The following PCDH7 variants were observed in gnomAD, a reference collection of about 807,000 sequenced individuals.
The protein encoded by PCDH7 is protocadherin 7.
In PCDH7, 17 loss-of-function variants were observed where a neutral mutation model predicts 58.9. The observed-to-expected ratio is 0.29, with a 90% CI of 0.20 to 0.43. The LOEUF is 0.43. Ranked by LOEUF, PCDH7 falls within the 20% of genes least tolerant of loss-of-function variation. The probability of loss-of-function intolerance (pLI) is 1.00; values close to 1 mark genes in which losing one functional copy is unlikely to be tolerated. For missense variants in PCDH7, 1,274 were observed against 1,441.0 expected (o/e 0.88, Z 1.88); for synonymous variants, 664 against 616.4 (o/e 1.08, Z -1.14).
At chr4:30,772,860 C>A (rs761656060) in intron 1 of PCDH7, among the ~76,000 whole-genome samples, 2 of 152,122 alleles carry the variant, frequency 1.3e-5, no homozygotes, top group African/African-American at 2.4e-5. Flanking sequence ...CTAACAATTC[C>A]TTTATCAAAT....
chr4:31,127,526 A>G (rs1718447673), intron 3 of PCDH7, among the ~76,000 whole-genome samples: 1 of 152,282 alleles, frequency 6.6e-6, no homozygotes, highest in South Asian at 2.1e-4. Flanking sequence ...TTGTTGATTG[A>G]AATAAATGAA....
At chr4:31,030,847 AG>A (rs529464777) in intron 3 of PCDH7, among the ~76,000 whole-genome samples, 1 of 152,312 alleles carries the variant, frequency 6.6e-6, no homozygotes, top group East Asian at 1.9e-4. Flanking sequence ...ACAGTTGTAT[AG>A]GGGCAAAGAA....
At chr4:30,823,319 G>A (rs1172344368) in intron 1 of PCDH7, among the ~76,000 whole-genome samples, 2 of 152,080 alleles carry the variant, frequency 1.3e-5, no homozygotes, top group Non-Finnish European at 2.9e-5. Flanking sequence ...GACATGTAGC[G>A]GTAATGGTTC....
chr4:30,880,343 C>T (rs6858549), intron 1 of PCDH7, among the ~76,000 whole-genome samples: 61,500 of 151,390 alleles, frequency 0.41, 12,695 homozygotes, highest in African/African-American at 0.45. Context: ...CAAAGGACTC[C>T]TTATATAAAG....
intron 2 of PCDH7, among the ~76,000 whole-genome samples, chr4:30,935,837 G>C (rs1745271726): frequency 6.6e-6 from 1 of 152,038 alleles, no homozygotes; most frequent in Admixed American, 6.6e-5. Context: ...TATAAATGTA[G>C]AAATCAACTT....
chr4:30,954,299 T>C (rs1747636161), intron 3 of PCDH7, among the ~76,000 whole-genome samples: 1 of 152,174 alleles, frequency 6.6e-6, no homozygotes, highest in Non-Finnish European at 1.5e-5. Flanking sequence ...ACTTCCATTT[T>C]CAAATGTGCT....
intron 3 of PCDH7, among the ~76,000 whole-genome samples, chr4:31,041,774 A>T (rs767530735): frequency 2.6e-5 from 4 of 152,034 alleles, no homozygotes; most frequent in Non-Finnish European, 5.9e-5. Context: ...AAGATGCAGA[A>T]ATGCCACCAA....
rs933822497 is a variant in PCDH7 at position 30,722,205 on chromosome 4, C to G, written c.783C>G (p.Ile261Met). Residue 261 changes from isoleucine (I) to methionine (M), a missense_variant, in exon 1 of 2, where the codon ATC (isoleucine) becomes ATG (methionine). This residue lies in a region of PCDH7 where 331 missense variants were observed against 303.2 expected (regional missense o/e 1.09). Transcript: ENST00000361762. The surrounding 1 kb of genome is among the most constrained non-coding windows in gnomAD (Gnocchi z 7.6). ...ACGGCGAGAAGCAGCCGCAGCTGATCGTGAAGGGGGCGCTGGACCGCGAGC... is the reference window on the plus strand; with the variant it reads ...ACGGCGAGAAGCAGCCGCAGCTGATGGTGAAGGGGGCGCTGGACCGCGAGC... 3 of 1,584,466 alleles carry G rather than the reference C, an allele frequency of 1.9e-6. No homozygotes were observed. The highest frequency in any genetic ancestry group is 2.7e-5 in the African/African-American group (2 of 74,038).
chr4:31,030,383 C>A (rs774149522), intron 3 of PCDH7, among the ~76,000 whole-genome samples: 27 of 152,024 alleles, frequency 1.8e-4, no homozygotes, highest in Non-Finnish European at 3.4e-4. Flanking sequence ...CCAATAATAA[C>A]CCAAACTTTT....
At chr4:31,061,725 T>A (rs959197348) in intron 3 of PCDH7, among the ~76,000 whole-genome samples, 1 of 151,742 alleles carries the variant, frequency 6.6e-6, no homozygotes, top group African/African-American at 2.4e-5. Flanking sequence ...TTTTCTGGAA[T>A]AACTGCAACT....
At chr4:31,072,067 A>G (rs959668156) in intron 3 of PCDH7, among the ~76,000 whole-genome samples, 4 of 152,074 alleles carry the variant, frequency 2.6e-5, no homozygotes, top group African/African-American at 7.2e-5. Flanking sequence ...GTGATCTACA[A>G]CACTCACATG....
chr4:31,108,677 G>T (rs1407126286), intron 3 of PCDH7, among the ~76,000 whole-genome samples: 1 of 152,122 alleles, frequency 6.6e-6, no homozygotes, highest in Non-Finnish European at 1.5e-5. Context: ...AAGATGGCTG[G>T]TGTAAAGCAA....
intron 3 of PCDH7, among the ~76,000 whole-genome samples, chr4:30,994,136 T>C (rs1751688515): frequency 6.6e-6 from 1 of 152,230 alleles, no homozygotes; most frequent in South Asian, 2.1e-4. Flanking sequence ...ACATTATTGA[T>C]TCTTATAATC....
intron 1 of PCDH7, among the ~76,000 whole-genome samples, chr4:30,727,062 G>A (rs1165323239): frequency 1.3e-5 from 2 of 151,952 alleles, no homozygotes; most frequent in East Asian, 1.9e-4. Context: ...GGTTTCGCGG[G>A]AATTTCCTTC....
intron 1 of PCDH7, among the ~76,000 whole-genome samples, chr4:30,803,609 T>G (rs1725810964): frequency 6.6e-6 from 1 of 152,124 alleles, no homozygotes; most frequent in African/African-American, 2.4e-5. Flanking sequence ...AAGTAATTTA[T>G]TTTTTACTTT....
chr4:31,040,149 G>C (rs1755733696), intron 3 of PCDH7, among the ~76,000 whole-genome samples: 1 of 152,174 alleles, frequency 6.6e-6, no homozygotes, highest in Non-Finnish European at 1.5e-5. Flanking sequence ...GTATACTGCA[G>C]TGTGTCTTGA....
chr4:31,071,207 A>G (rs1578714949), intron 3 of PCDH7, among the ~76,000 whole-genome samples: 1 of 152,074 alleles, frequency 6.6e-6, no homozygotes, highest in East Asian at 1.9e-4. Context: ...GAGAAAAAAT[A>G]TATAGAGGGA....
At chr4:31,054,472 T>C (rs1756995871) in intron 3 of PCDH7, among the ~76,000 whole-genome samples, 1 of 152,156 alleles carries the variant, frequency 6.6e-6, no homozygotes, top group Non-Finnish European at 1.5e-5. Context: ...CCTCTTACAG[T>C]GAGCAAGAAC....
At chr4:31,091,606 T>C (rs1173148926) in intron 3 of PCDH7, among the ~76,000 whole-genome samples, 1 of 151,866 alleles carries the variant, frequency 6.6e-6, no homozygotes, top group East Asian at 1.9e-4. Flanking sequence ...CATACTATTA[T>C]GTATTGCAAG....
Sources: allele counts gnomAD v4.1 joint callset (sites outside exome capture counted in the v4.1 genomes callset), GRCh38; gene constraint gnomAD v4.1.1; regional missense constraint gnomAD v4.1.1; non-coding constraint Gnocchi (gnomAD v3.1); transcripts MANE v1.5; gene names NCBI Gene and HGNC (gene_info 2026-07-23, HGNC 2026-07-21).